The following C1QTNF7 variants were observed in gnomAD, a reference collection of about 807,000 sequenced individuals.
C1QTNF7 encodes the protein complement C1q tumor necrosis factor-related protein 7.
Under a neutral mutation model 19.6 loss-of-function variants are expected in C1QTNF7, and 15 were observed. That is an observed-to-expected ratio of 0.76 (90% CI 0.51 to 1.18). C1QTNF7 has a LOEUF of 1.18. Among genes scored for constraint, C1QTNF7 ranks in the 50% most tolerant of loss-of-function variants. The pLI is 0.00. For synonymous variants in C1QTNF7, 142 were observed against 137.5 expected (o/e 1.03, Z -0.23); for missense variants, 324 against 359.7 (o/e 0.90, Z 0.80).
At chr4:15,387,756 C>G (rs1411146690) in intron 1 of C1QTNF7, among the ~76,000 whole-genome samples, 6 of 152,114 alleles carry the variant, frequency 3.9e-5, no homozygotes, top group Non-Finnish European at 5.9e-5. Context: ...ACAGTAATAT[C>G]TATGCTATAA....
chr4:15,391,792 G>A (rs1718569257), intron 1 of C1QTNF7, among the ~76,000 whole-genome samples: 1 of 152,144 alleles, frequency 6.6e-6, no homozygotes, highest in Non-Finnish European at 1.5e-5. Context: ...AATGGGGTGG[G>A]ACTTCAGTTT....
intron 1 of C1QTNF7, among the ~76,000 whole-genome samples, chr4:15,393,864 A>C (rs909957112): frequency 6.6e-6 from 1 of 152,224 alleles, no homozygotes; most frequent in Admixed American, 6.5e-5. Context: ...GCAGTGAACC[A>C]GACAGAAACT....
At chr4:15,375,238 G>A (rs1717894478) in intron 1 of C1QTNF7, among the ~76,000 whole-genome samples, 1 of 152,144 alleles carries the variant, frequency 6.6e-6, no homozygotes, top group Non-Finnish European at 1.5e-5. Context: ...AAGCATTAAA[G>A]TGAATATTGT....
chr4:15,343,206 T>A (rs1157046446), intron 1 of C1QTNF7, among the ~76,000 whole-genome samples: 3 of 152,250 alleles, frequency 2.0e-5, no homozygotes, highest in African/African-American at 7.2e-5. Flanking sequence ...CCAAACTCAT[T>A]TGACCATGAA....
chr4:15,428,062 C>T lies in C1QTNF7; in HGVS notation c.-53C>T, dbSNP rs1044322444. On this transcript the variant is annotated 5_prime_UTR_variant, in exon 1 of 3. Transcript: ENST00000444304. ...AGCTCTCATGAAAGATCCTCAGTCT[C>T]TTGTGGATTTAGAATCCTGCAGCAG... 3.0e-6 allele frequency: 3 copies of T among 985,264 alleles called. No homozygotes were observed. The African/African-American group carries it at 5.2e-5, about 17-fold the overall frequency. The allele number at this position is 985,264 out of a possible 1,614,324, so 61.0% of individuals were successfully genotyped here. A position where few individuals can be genotyped will look rare whatever the true frequency, so the allele number is the denominator to read the frequency against.
intron 1 of C1QTNF7, among the ~76,000 whole-genome samples, chr4:15,343,086 A>G (rs938257161): frequency 2.6e-5 from 4 of 152,228 alleles, no homozygotes; most frequent in Non-Finnish European, 5.9e-5. Context: ...AGCTATTCTT[A>G]TTAGCTATTA....
chr4:15,403,945 A>G (rs1719088731), intron 1 of C1QTNF7, among the ~76,000 whole-genome samples: 1 of 152,208 alleles, frequency 6.6e-6, no homozygotes, highest in Non-Finnish European at 1.5e-5. Context: ...AAATACTACT[A>G]TCGATATATT....
At chr4:15,425,983 A>C (rs1424970100), upstream of C1QTNF7, among the ~76,000 whole-genome samples, 1 of 152,146 alleles carries the variant, frequency 6.6e-6, no homozygotes, top group Non-Finnish European at 1.5e-5. Flanking sequence ...CTTGAAATTG[A>C]CCATGGCGGG....
chr4:15,413,590 C>A (rs1178458199), intron 1 of C1QTNF7, among the ~76,000 whole-genome samples: 15 of 152,166 alleles, frequency 9.9e-5, no homozygotes, highest in Non-Finnish European at 1.5e-5. Flanking sequence ...GATTTCTAAC[C>A]AATTTGTTGA....
Position 15,428,115 on chromosome 4 carries a change from T to C in C1QTNF7, c.-9+9T>C. 2.0e-6 allele frequency: 2 copies of C among 983,446 alleles called. No homozygotes were observed. The allele number at this position is 983,446 out of a possible 1,614,324, so 60.9% of individuals were successfully genotyped here. On this transcript the variant is annotated intron_variant, in intron 1 of 2. Transcript: ENST00000444304. Reference sequence around the variant, plus strand: ...CACCATCTAAGAGCAAGGTATGGTGTTTACTCTTTTTTTTAGAATTTTGGC... The same window carrying C: ...CACCATCTAAGAGCAAGGTATGGTGCTTACTCTTTTTTTTAGAATTTTGGC...
intron 1 of C1QTNF7, among the ~76,000 whole-genome samples, chr4:15,354,456 T>C (rs1182052125): frequency 1.3e-5 from 2 of 152,042 alleles, no homozygotes; most frequent in Non-Finnish European, 2.9e-5. Flanking sequence ...GGAGGCCAGA[T>C]GGGGAACTCT....
chr4:15,417,149 ATTT>A (rs1347562483), intron 1 of C1QTNF7, among the ~76,000 whole-genome samples: 1 of 152,192 alleles, frequency 6.6e-6, no homozygotes, highest in African/African-American at 2.4e-5. Context: ...TACTTTTAAA[ATTT>A]TTTTATTGAA....
chr4:15,413,481 A>G (rs138098231), intron 1 of C1QTNF7, among the ~76,000 whole-genome samples: 1 of 152,238 alleles, frequency 6.6e-6, no homozygotes, highest in African/African-American at 2.4e-5. Context: ...AGATTTCTTA[A>G]CAGCCAAAAT....
chr4:15,345,826 T>C (rs1325814935), intron 1 of C1QTNF7, among the ~76,000 whole-genome samples: 1 of 152,222 alleles, frequency 6.6e-6, no homozygotes, highest in African/African-American at 2.4e-5. Context: ...GTGCCTACTG[T>C]GTGCCATGAC....
chr4:15,414,104 G>C (rs1719502982), intron 1 of C1QTNF7, among the ~76,000 whole-genome samples: 1 of 152,152 alleles, frequency 6.6e-6, no homozygotes, highest in African/African-American at 2.4e-5. Flanking sequence ...GTCTCTCCTA[G>C]AGTTCTGTAT....
intron 1 of C1QTNF7, among the ~76,000 whole-genome samples, chr4:15,355,449 G>C (rs924963654): frequency 6.6e-6 from 1 of 152,140 alleles, no homozygotes; most frequent in African/African-American, 2.4e-5. Context: ...TTTGCTGCAA[G>C]TCTGCAAACA....
In C1QTNF7 at chr4:15,442,773, T is replaced by A. The variant is rs775273151; in HGVS notation, c.844T>A (p.Ser282Thr). 3.1e-6 allele frequency: 5 copies of A among 1,610,794 alleles called. No homozygotes were observed. The Admixed American group carries it at 8.4e-5, about 27-fold the overall frequency. Residue 282 changes from serine to threonine, a missense_variant, in exon 3 of 3, where the codon TCC becomes ACC. Ser to Thr is a moderately conservative substitution (Grantham distance 58). Transcript: ENST00000444304. ...ATACGTTGACACAGATTACCTAGAT[T>A]CCATATCAGAAGATGATGAATTGTG... ...LLYVDTDYLDSISEDDEL is the reference protein window; with the variant it reads ...LLYVDTDYLDTISEDDEL
Position 15,436,084 on chromosome 4 carries a change from C to T in C1QTNF7, c.238+103C>T, listed in dbSNP as rs868697484. The T allele has an allele frequency of 4.9e-5, 71 of 1,458,138 alleles. No homozygotes were observed. The African/African-American group carries it at 6.7e-4, about 14-fold the overall frequency. The allele number at this position is 1,458,138 out of a possible 1,614,324, so 90.3% of individuals were successfully genotyped here. A position where few individuals can be genotyped will look rare whatever the true frequency, so the allele number is the denominator to read the frequency against. The stretch of plus-strand genomic sequence containing the variant: ...CTAATGGGAATTGCTCCTTAAACCC[C>T]TTCTGTACTTTCATTAATCGTAACT... On this transcript the variant is annotated intron_variant, in intron 2 of 2. Transcript: ENST00000444304.
chr4:15,370,939 G>T (rs995154112), intron 1 of C1QTNF7, among the ~76,000 whole-genome samples: 2 of 152,142 alleles, frequency 1.3e-5, no homozygotes, highest in African/African-American at 4.8e-5. Context: ...AACAAAACTA[G>T]GCTTCTTGAG....
Sources: gnomAD v4.1 joint callset for allele counts (sites outside exome capture counted in the v4.1 genomes callset) on GRCh38, gnomAD v4.1.1 for gene constraint, MANE v1.5 for transcripts, NCBI Gene and HGNC (gene_info 2026-07-23, HGNC 2026-07-21) for gene names.